The following FHOD3 variants were observed in gnomAD, a reference collection of about 807,000 sequenced individuals.
FHOD3 encodes FH1/FH2 domain-containing protein 3.
Under a neutral mutation model 173.0 loss-of-function variants are expected in FHOD3, and 90 were observed. That is an observed-to-expected ratio of 0.52 (90% confidence interval 0.44 to 0.62). The LOEUF (loss-of-function observed/expected upper bound fraction) is 0.62, where lower values mean the gene tolerates loss of function less well. FHOD3 is among the 20% of genes least tolerant of loss of function. The pLI is 0.00. For missense variants in FHOD3, 1,945 were observed against 2,034.7 expected, an observed-to-expected ratio of 0.96 and a Z score of 0.85; for synonymous variants, 828 against 823.0, an observed-to-expected ratio of 1.01 and a Z score of -0.10.
At chr18:36,471,673 C>T (rs571295112) in intron 3 of FHOD3, among the ~76,000 whole-genome samples, 1 of 152,292 alleles carries the variant, frequency 6.6e-6, no homozygotes, top group African/African-American at 2.4e-5. Flanking sequence ...AGGGCAAAGA[C>T]AGTAAAAGAG....
In FHOD3 at chr18:36,693,288, G is replaced by C. The variant is rs371328026; in HGVS notation, c.2101G>C (p.Asp701His). ...RSRSVSRGRA[D>H]LSLDLTSPAA... ...CCGGAGTGTGAGCCGGGGCAGAGCC[G>C]ACCTCTCCTTGGACCTGACCTCGCC... Residue 701 changes from aspartate to histidine, a missense_variant, in exon 17 of 29, where the codon GAC becomes CAC. Asp to His is a moderately conservative substitution (Grantham distance 81, BLOSUM62 -1). Coordinates refer to ENST00000590592, the MANE Select transcript of FHOD3 (RefSeq NM_001281740.3). The C allele has an allele frequency of 1.2e-6, 2 of 1,613,764 alleles. No individual in the cohort carries two copies. Among genetic ancestry groups the C allele is most frequent in the Admixed American group, 1.7e-5 (1 of 60,006 alleles).
At chr18:36,681,906 T>C (rs1428246140) in intron 15 of FHOD3, among the ~76,000 whole-genome samples, 3 of 152,212 alleles carry the variant, frequency 2.0e-5, no homozygotes, top group African/African-American at 7.2e-5. Context: ...CTAATGGTCC[T>C]CATGTTTTAT....
At chr18:36,672,482 C>T (rs1210853320) in intron 14 of FHOD3, among the ~76,000 whole-genome samples, 2 of 152,232 alleles carry the variant, frequency 1.3e-5, no homozygotes, top group Non-Finnish European at 2.9e-5. Flanking sequence ...GGCAGCTTGG[C>T]ACCATGCCTC....
At chr18:36,461,227 G>C (rs150986928) in intron 3 of FHOD3, among the ~76,000 whole-genome samples, 2 of 152,252 alleles carry the variant, frequency 1.3e-5, no homozygotes, top group Non-Finnish European at 2.9e-5. Flanking sequence ...AAAGGCTGCT[G>C]TCCTTCCTGT....
At chr18:36,766,027 A>C (rs907442860) in intron 27 of FHOD3, among the ~76,000 whole-genome samples, 9 of 152,114 alleles carry the variant, frequency 5.9e-5, no homozygotes, top group African/African-American at 2.2e-4. Flanking sequence ...ACCATAGACA[A>C]AGTGCTAAAA....
chr18:36,662,909 A>G (rs1420242768), intron 14 of FHOD3, among the ~76,000 whole-genome samples: 2 of 152,112 alleles, frequency 1.3e-5, no homozygotes, highest in Non-Finnish European at 2.9e-5. Context: ...CTACTTCTAT[A>G]TCTTTGACCA....
chr18:36,630,495 G>C (rs1309010651), intron 10 of FHOD3, among the ~76,000 whole-genome samples: 1 of 152,162 alleles, frequency 6.6e-6, no homozygotes, highest in East Asian at 1.9e-4. Flanking sequence ...TAACTGAAAT[G>C]CCAACAAATC....
intron 3 of FHOD3, among the ~76,000 whole-genome samples, chr18:36,471,444 C>T (rs966972353): frequency 6.6e-6 from 1 of 152,150 alleles, no homozygotes; most frequent in East Asian, 1.9e-4. Context: ...CCTTGGTCAC[C>T]CTGTGTCCAC....
At chr18:36,395,124 A>G (rs1333768345) in intron 3 of FHOD3, among the ~76,000 whole-genome samples, 1 of 151,970 alleles carries the variant, frequency 6.6e-6, no homozygotes, top group Non-Finnish European at 1.5e-5. Flanking sequence ...TACTACCACC[A>G]TCAATATAAC....
intron 3 of FHOD3, among the ~76,000 whole-genome samples, chr18:36,402,466 A>G (rs554497555): frequency 8.6e-5 from 13 of 151,632 alleles, no homozygotes; most frequent in Non-Finnish European, 1.6e-4. Context: ...TATAAAAATT[A>G]TAATGTATAT....
chr18:36,341,516 A>G (rs2045619774), intron 1 of FHOD3, among the ~76,000 whole-genome samples: 1 of 152,230 alleles, frequency 6.6e-6, no homozygotes, highest in Non-Finnish European at 1.5e-5. Flanking sequence ...TGCAGGGTCT[A>G]TGAAGGCAAG....
chr18:36,712,501 T>C (rs1161297835), intron 18 of FHOD3, among the ~76,000 whole-genome samples: 3 of 151,610 alleles, frequency 2.0e-5, no homozygotes, highest in Admixed American at 2.0e-4. Flanking sequence ...ATGGGCTTAA[T>C]AGTAGATTGG....
intron 10 of FHOD3, among the ~76,000 whole-genome samples, chr18:36,637,745 T>G (rs1244882371): frequency 6.6e-6 from 1 of 152,170 alleles, no homozygotes; most frequent in Admixed American, 6.5e-5. Flanking sequence ...GTTACAGGGA[T>G]ATGAGAATAT....
intron 5 of FHOD3, among the ~76,000 whole-genome samples, chr18:36,514,241 C>A (rs2055833119): frequency 6.6e-6 from 1 of 152,060 alleles, no homozygotes; most frequent in Non-Finnish European, 1.5e-5. Flanking sequence ...GTTCTCCTGA[C>A]CTCATGATCC....
chr18:36,376,093 C>T (rs142840372), intron 3 of FHOD3, among the ~76,000 whole-genome samples: 53 of 152,228 alleles, frequency 3.5e-4, no homozygotes, highest in Admixed American at 6.5e-4. Context: ...GAAAAGTGAT[C>T]CTGTTTCCAG....
At chr18:36,574,675 T>A (rs961930938) in intron 5 of FHOD3, among the ~76,000 whole-genome samples, 2 of 152,168 alleles carry the variant, frequency 1.3e-5, no homozygotes, top group Non-Finnish European at 2.9e-5. Context: ...TGACAATATG[T>A]ATTTCCAACA....
rs533450011 is a variant in FHOD3 at position 36,550,351 on chromosome 18, A to G, written c.512-26100A>G. Reference sequence around the variant, plus strand: ...AATACCACACTGTTTTGATTACTGTAGTTTTATAATAACTCCTAAAGTAGG... The same window carrying G: ...AATACCACACTGTTTTGATTACTGTGGTTTTATAATAACTCCTAAAGTAGG... On this transcript the variant is annotated intron_variant, in intron 5 of 28. Coordinates refer to ENST00000590592, the MANE Select transcript of FHOD3 (RefSeq NM_001281740.3). Among the ~76,000 whole-genome samples the G allele has an allele frequency of 1.8e-3, 274 of 150,630 alleles. 2 individuals are homozygous for G. The highest frequency in any genetic ancestry group is 3.6e-3 in the Middle Eastern group (1 of 280).
chr18:36,452,095 A>C (rs559982690), intron 3 of FHOD3, among the ~76,000 whole-genome samples: 2 of 152,234 alleles, frequency 1.3e-5, no homozygotes, highest in East Asian at 1.9e-4. Context: ...GCCACGTCAT[A>C]AGCTGGGATC....
chr18:36,315,996 T>C lies in FHOD3; in HGVS notation c.165+17996T>C, dbSNP rs79544030. 3.7e-3 allele frequency among the ~76,000 whole-genome samples: 555 copies of C among 151,964 alleles called. 5 individuals carry two copies. Among genetic ancestry groups the C allele is most frequent in the Middle Eastern group, 6.8e-3 (2 of 292 alleles). On this transcript the variant is annotated intron_variant, in intron 1 of 28. Coordinates refer to ENST00000590592, the MANE Select transcript of FHOD3 (RefSeq NM_001281740.3). ...AGACAGCCATGAGTAAGAGCAGAGCTAATCCTCGGGGAGTGGGAGGGGAGA... is the reference window on the plus strand; with the variant it reads ...AGACAGCCATGAGTAAGAGCAGAGCCAATCCTCGGGGAGTGGGAGGGGAGA...
Sources: gnomAD v4.1 joint callset for allele counts (sites outside exome capture counted in the v4.1 genomes callset) on GRCh38, gnomAD v4.1.1 for gene constraint, MANE v1.5 for transcripts, NCBI Gene and HGNC (gene_info 2026-07-23, HGNC 2026-07-21) for gene names.